The following KANK1 variants were observed in gnomAD, a reference collection of about 807,000 sequenced individuals.
The protein encoded by KANK1 is KN motif and ankyrin repeat domains 1.
KANK1 carries 109 observed loss-of-function variants against 106.2 expected under a neutral mutation model. The ratio of observed to expected loss-of-function variants is 1.03; its 90% CI spans 0.88 to 1.20. The LOEUF is 1.20. Ranked by LOEUF, KANK1 falls within the 50% of genes most tolerant of loss-of-function variation. KANK1 has a pLI of 0.00. For missense variants in KANK1, 2,399 were observed against 1,710.7 expected, an observed-to-expected ratio of 1.40 and a Z score of -7.10; for synonymous variants, 873 against 652.2, an observed-to-expected ratio of 1.34 and a Z score of -5.16.
At chr9:603,133 A>G (rs970878697) in intron 1 of KANK1, among the ~76,000 whole-genome samples, 2 of 151,918 alleles carry the variant, frequency 1.3e-5, no homozygotes, top group Admixed American at 1.3e-4. Flanking sequence ...TCAGGATTTG[A>G]AAGATGAATC....
At chr9:558,448 A>G (rs547274712) in intron 1 of KANK1, among the ~76,000 whole-genome samples, 3 of 152,230 alleles carry the variant, frequency 2.0e-5, no homozygotes, top group Non-Finnish European at 2.9e-5. Context: ...CGATCAATAC[A>G]TAGCCTTGTT....
At chr9:738,067 G>T (rs2132058433) in intron 7 of KANK1, among the ~76,000 whole-genome samples, 1 of 152,046 alleles carries the variant, frequency 6.6e-6, no homozygotes, top group Non-Finnish European at 1.5e-5. Context: ...GTGCTGTCTG[G>T]TCTCCTTTAT....
intron 1 of KANK1, among the ~76,000 whole-genome samples, chr9:512,770 T>G (rs1433180775): frequency 6.6e-6 from 1 of 152,188 alleles, no homozygotes; most frequent in African/African-American, 2.4e-5. Flanking sequence ...CAGTCTATGC[T>G]TGAGTTCATA....
intron 4 of KANK1, chr9:730,822 A>G (rs1832033226): frequency 5.3e-6 from 1 of 187,434 alleles, no homozygotes; most frequent in Non-Finnish European, 1.1e-5. Flanking sequence ...AAGAAGAATA[A>G]TAATCCCTGT....
intron 1 of KANK1, among the ~76,000 whole-genome samples, chr9:536,552 A>G (rs1459786809): frequency 1.3e-5 from 2 of 152,260 alleles, no homozygotes; most frequent in African/African-American, 2.4e-5. Flanking sequence ...CAAAGCCACC[A>G]CTGGCAAATT....
intron 1 of KANK1, among the ~76,000 whole-genome samples, chr9:536,161 A>T (rs1398736969): frequency 6.6e-6 from 1 of 152,070 alleles, no homozygotes; most frequent in Non-Finnish European, 1.5e-5. Flanking sequence ...AACATGGTGA[A>T]ACTCTGTCTC....
chr9:602,822 T>C (rs1828107063), intron 1 of KANK1, among the ~76,000 whole-genome samples: 1 of 151,880 alleles, frequency 6.6e-6, no homozygotes, highest in South Asian at 2.1e-4. Flanking sequence ...TCTTGCAAAA[T>C]AGATCTTGTT....
intron 1 of KANK1, among the ~76,000 whole-genome samples, chr9:580,209 C>T (rs1198152459): frequency 6.6e-6 from 1 of 151,760 alleles, no homozygotes; most frequent in South Asian, 2.1e-4. Context: ...TTGTTCGTTC[C>T]TCCGGTCTGG....
At chr9:663,920 C>G (rs551756564) in intron 1 of KANK1, among the ~76,000 whole-genome samples, 2 of 152,094 alleles carry the variant, frequency 1.3e-5, no homozygotes, top group Non-Finnish European at 2.9e-5. Flanking sequence ...CTTTGGGACA[C>G]AAGGAGGCAG....
intron 3 of KANK1, among the ~76,000 whole-genome samples, chr9:478,588 A>T (rs2132117639): frequency 6.6e-6 from 1 of 152,324 alleles, no homozygotes; most frequent in African/African-American, 2.4e-5. Context: ...TCTAAAGCCC[A>T]CTTTCTCCTG....
intron 1 of KANK1, among the ~76,000 whole-genome samples, chr9:538,087 C>CAGAT (rs2060398522): frequency 6.6e-6 from 1 of 151,558 alleles, no homozygotes; most frequent in Non-Finnish European, 1.5e-5. Context: ...CACTGAAAAG[C>CAGAT]AGATGGTAGA....
In KANK1 at chr9:712,149, C is replaced by T. The variant is rs770048654; in HGVS notation, c.1383C>T (p.Thr461=). The change falls in exon 3 of 12, where the codon ACC becomes ACT. Residue 461 remains threonine, a synonymous_variant. Coordinates refer to ENST00000382297, the MANE Select transcript of KANK1 (RefSeq NM_015158.5). ...AAGAAATTGAGCTGCAACAGCAGAC[C>T]ATAGAATCCTTGAAGGAAAAGATCT... The part of the protein sequence containing the change: ...ADKEIELQQQ[T]IESLKEKIYR... 2.3e-5 allele frequency: 37 copies of T among 1,614,082 alleles called. No homozygotes were observed. The highest frequency in any genetic ancestry group is 3.1e-5 in the Non-Finnish European group (37 of 1,180,036).
chr9:478,166 T>C, intron 3 of KANK1: 1 of 181,314 alleles, frequency 5.5e-6, no homozygotes, highest in Non-Finnish European at 1.2e-5. Context: ...AATGCCATTT[T>C]TCATGACACT....
At chr9:579,819 C>G (rs919325778) in intron 1 of KANK1, among the ~76,000 whole-genome samples, 1 of 152,166 alleles carries the variant, frequency 6.6e-6, no homozygotes, top group Non-Finnish European at 1.5e-5. Context: ...AGAAAGTAAT[C>G]ATCTTTGGCT....
At chr9:647,448 C>G (rs1458359313) in intron 1 of KANK1, among the ~76,000 whole-genome samples, 3 of 150,970 alleles carry the variant, frequency 2.0e-5, no homozygotes, top group Non-Finnish European at 4.4e-5. Flanking sequence ...TCTCTTTGGT[C>G]TCTTTCTCTG....
chr9:625,048 G>A (rs928856515), intron 1 of KANK1, among the ~76,000 whole-genome samples: 1 of 151,852 alleles, frequency 6.6e-6, no homozygotes, highest in Non-Finnish European at 1.5e-5. Flanking sequence ...TGCCTTGTTC[G>A]ATGCCCTGGG....
rs138359854 is a variant in KANK1, at chr9:598,387, T to G, written c.-83-78503T>G. ...CGAATTTAAGGATCTGTTTTTTCAT[T>G]TCTGCAAAAAGGGCTGTTGGAGTTT... On this transcript the variant is annotated intron_variant, in intron 1 of 11. Coordinates refer to ENST00000382297, the MANE Select transcript of KANK1 (RefSeq NM_015158.5). 2.4e-4 allele frequency among the ~76,000 whole-genome samples: 36 copies of G among 151,620 alleles called. 1 individual carries two copies. The highest frequency in any genetic ancestry group is 8.0e-4 in the African/African-American group (33 of 41,082).
intron 1 of KANK1, among the ~76,000 whole-genome samples, chr9:672,121 C>G (rs568719939): frequency 2.8e-4 from 43 of 152,268 alleles, no homozygotes; most frequent in Middle Eastern, 3.4e-3. Context: ...TGCCCTTACT[C>G]TAAATCACAT....
intron 1 of KANK1, among the ~76,000 whole-genome samples, chr9:672,886 C>T (rs1815518697): frequency 6.6e-6 from 1 of 152,120 alleles, no homozygotes; most frequent in Admixed American, 6.5e-5. Flanking sequence ...AATCGTTTCG[C>T]AGGAGTGGTT....
Sources: allele counts gnomAD v4.1 joint callset (sites outside exome capture counted in the v4.1 genomes callset), GRCh38; gene constraint gnomAD v4.1.1; transcripts MANE v1.5; gene names NCBI Gene and HGNC (gene_info 2026-07-23, HGNC 2026-07-21).